RPS6KC1: variants seen among roughly 807,000 people sequenced by gnomAD.
The protein encoded by RPS6KC1 is inactive ribosomal protein S6 kinase delta-1.
In RPS6KC1, 54 loss-of-function variants were observed where a neutral mutation model predicts 103.8. The ratio of observed to expected loss-of-function variants is 0.52; its 90% CI spans 0.42 to 0.65. The LOEUF is 0.65. Among genes scored for constraint, RPS6KC1 ranks in the 30% least tolerant of loss-of-function variants. The pLI is 0.00. For synonymous variants in RPS6KC1, 439 were observed against 438.7 expected, an observed-to-expected ratio of 1.00 and a Z score of -0.01; for missense variants, 1,151 against 1,253.8, an observed-to-expected ratio of 0.92 and a Z score of 1.24.
chr1:213,832,824 G>A, the RPS6KC1 span, among the ~76,000 whole-genome samples: 1 of 152,208 alleles, frequency 6.6e-6, no homozygotes, highest in African/African-American at 2.4e-5. Context: ...AATAAACACA[G>A]TCTAGTGGAA....
the RPS6KC1 span, among the ~76,000 whole-genome samples, chr1:213,833,659 G>C: frequency 6.6e-6 from 1 of 152,118 alleles, no homozygotes; most frequent in Non-Finnish European, 1.5e-5. Flanking sequence ...ATGGAAGCCT[G>C]GTAAATAGTT....
At chr1:213,536,107 C>A in the RPS6KC1 span, among the ~76,000 whole-genome samples, 95,524 of 151,940 alleles carry the variant, frequency 0.63, 30,625 homozygotes, top group Non-Finnish European at 0.7. Context: ...GGCATATGTA[C>A]GATGAAGCCA....
chr1:213,704,962 C>T, the RPS6KC1 span, among the ~76,000 whole-genome samples: 1 of 152,210 alleles, frequency 6.6e-6, no homozygotes, highest in African/African-American at 2.4e-5. Flanking sequence ...TTTAGATTCT[C>T]CTGAACAAAT....
At chr1:213,314,973 G>T in the RPS6KC1 span, among the ~76,000 whole-genome samples, 1 of 152,054 alleles carries the variant, frequency 6.6e-6, no homozygotes, top group Non-Finnish European at 1.5e-5. Context: ...ACAAGCATAG[G>T]TCTTAAAAAT....
chr1:213,835,679 C>A, the RPS6KC1 span, among the ~76,000 whole-genome samples: 6 of 152,178 alleles, frequency 3.9e-5, no homozygotes, highest in Non-Finnish European at 7.3e-5. Flanking sequence ...CTCACAGCAC[C>A]AGTACCAGGC....
At chr1:213,303,330 A>T in the RPS6KC1 span, among the ~76,000 whole-genome samples, 11 of 152,162 alleles carry the variant, frequency 7.2e-5, no homozygotes, top group African/African-American at 2.4e-4. Context: ...TCCCTCCAAG[A>T]TTCATCGTAG....
the RPS6KC1 span, among the ~76,000 whole-genome samples, chr1:213,673,654 AC>A: frequency 0.075 from 11,365 of 150,584 alleles, 1,228 homozygotes; most frequent in African/African-American, 0.25. Context: ...ACTTTTTAGT[AC>A]TAAGGGAAAT....
chr1:213,677,728 C>T, the RPS6KC1 span, among the ~76,000 whole-genome samples: 6 of 152,216 alleles, frequency 3.9e-5, no homozygotes, highest in African/African-American at 1.4e-4. Context: ...TTTGGCCAGG[C>T]TGGGTGTGGT....
chr1:213,551,056 C>T, the RPS6KC1 span, among the ~76,000 whole-genome samples: 2 of 152,158 alleles, frequency 1.3e-5, no homozygotes, highest in Non-Finnish European at 2.9e-5. Context: ...GCAAACAACC[C>T]TAAACCTCAG....
chr1:213,419,298 A>C, the RPS6KC1 span, among the ~76,000 whole-genome samples: 1 of 152,182 alleles, frequency 6.6e-6, no homozygotes, highest in Non-Finnish European at 1.5e-5. Flanking sequence ...CTGCTCTCAA[A>C]GGGGCTGCCA....
At chr1:213,077,873 T>C in intron 3 of RPS6KC1, 57 bp downstream of exon 3, 1 of 1,022,394 alleles carries the variant, frequency 9.8e-7, no homozygotes, top group Middle Eastern at 3.1e-4. Flanking sequence ...GTATATATAC[T>C]GAACTCTAAC....
At chr1:213,516,157 C>A in the RPS6KC1 span, among the ~76,000 whole-genome samples, 6 of 152,136 alleles carry the variant, frequency 3.9e-5, no homozygotes, top group Non-Finnish European at 2.9e-5. Flanking sequence ...TCTAGATATA[C>A]AATCATGTCA....
chr1:213,629,912 T>TC, the RPS6KC1 span, among the ~76,000 whole-genome samples: 1 of 152,118 alleles, frequency 6.6e-6, no homozygotes, highest in Non-Finnish European at 1.5e-5. Flanking sequence ...AATATTGGCC[T>TC]CCACTCTCTT....
At chr1:213,631,709 A>G in the RPS6KC1 span, among the ~76,000 whole-genome samples, 1 of 152,180 alleles carries the variant, frequency 6.6e-6, no homozygotes, top group Non-Finnish European at 1.5e-5. Flanking sequence ...TTGTCTTGAT[A>G]AGTGTGTTGA....
intron 1 of RPS6KC1, among the ~76,000 whole-genome samples, chr1:213,067,458 A>T (rs1424207134): frequency 6.6e-6 from 1 of 152,168 alleles, no homozygotes; most frequent in East Asian, 1.9e-4. Context: ...TTTCACTTTT[A>T]TTATCATGAA....
At chr1:213,060,802 G>T (rs564331613) in intron 1 of RPS6KC1, among the ~76,000 whole-genome samples, 53 of 152,326 alleles carry the variant, frequency 3.5e-4, no homozygotes, top group African/African-American at 1.3e-3. Flanking sequence ...ATAACTTGCA[G>T]TTTTAGCTTC....
chr1:213,632,075 A>G, the RPS6KC1 span, among the ~76,000 whole-genome samples: 22 of 152,212 alleles, frequency 1.4e-4, no homozygotes, highest in African/African-American at 4.6e-4. Context: ...GACTTGTTCC[A>G]TAATATCAAG....
chr1:213,616,645 T>TA, the RPS6KC1 span, among the ~76,000 whole-genome samples: 5 of 152,082 alleles, frequency 3.3e-5, no homozygotes, highest in South Asian at 8.3e-4. Flanking sequence ...ACCCTGTCTC[T>TA]AAAAAATAAT....
the RPS6KC1 span, among the ~76,000 whole-genome samples, chr1:213,456,824 C>A: frequency 6.6e-6 from 1 of 152,146 alleles, no homozygotes; most frequent in Non-Finnish European, 1.5e-5. Context: ...CCTTCTCTAC[C>A]TACCCCTTGT....
Sources: allele counts gnomAD v4.1 joint callset (sites outside exome capture counted in the v4.1 genomes callset), GRCh38; gene constraint gnomAD v4.1.1; transcripts MANE v1.5; gene names NCBI Gene and HGNC (gene_info 2026-07-23, HGNC 2026-07-21).